Variants in HEMK2 observed in about 807,000 individuals in gnomAD.
The protein encoded by HEMK2 is HemK methyltransferase 2, ETF1 glutamine and histone H4 lysine.
At chr21:28,620,379 T>C in the HEMK2 span, among the ~76,000 whole-genome samples, 20 of 152,264 alleles carry the variant, frequency 1.3e-4, no homozygotes, top group African/African-American at 4.8e-4. Flanking sequence ...AGAATTTGGC[T>C]GTGAATCCGT....
At chr21:28,733,106 C>T in the HEMK2 span, among the ~76,000 whole-genome samples, 2 of 151,968 alleles carry the variant, frequency 1.3e-5, no homozygotes, top group Non-Finnish European at 1.5e-5. Context: ...GGTGAAACCC[C>T]GTCTCTACTA....
chr21:28,831,455 A>AAAAGAAAGAAAGAAAGAAAG, the HEMK2 span, among the ~76,000 whole-genome samples: 1 of 56,968 alleles, frequency 1.8e-5, no homozygotes, highest in Non-Finnish European at 3.0e-5. Flanking sequence ...AAAAAGAAAG[A>AAAAGAAAGAAAGAAAGAAAG]AAAGAACGAA....
the HEMK2 span, among the ~76,000 whole-genome samples, chr21:28,796,675 C>T: frequency 6.6e-6 from 1 of 152,180 alleles, no homozygotes; most frequent in South Asian, 2.1e-4. Context: ...AGTGATCCTC[C>T]CACCACAGCC....
At chr21:28,584,192 G>A in the HEMK2 span, among the ~76,000 whole-genome samples, 27 of 152,062 alleles carry the variant, frequency 1.8e-4, no homozygotes, top group Non-Finnish European at 2.5e-4. Flanking sequence ...TCTTACCCTC[G>A]TAAGAATAAA....
At chr21:28,741,286 T>G in the HEMK2 span, among the ~76,000 whole-genome samples, 2 of 152,224 alleles carry the variant, frequency 1.3e-5, no homozygotes, top group South Asian at 4.1e-4. Context: ...CACAAGATCA[T>G]GCTTGAAACA....
the HEMK2 span, among the ~76,000 whole-genome samples, chr21:28,611,651 T>C: frequency 7.0e-6 from 1 of 142,560 alleles, no homozygotes; most frequent in Non-Finnish European, 1.6e-5. Flanking sequence ...CTCACACCTG[T>C]AATCCCAGCA....
the HEMK2 span, among the ~76,000 whole-genome samples, chr21:28,858,401 C>T: frequency 3.3e-5 from 5 of 152,190 alleles, no homozygotes; most frequent in Non-Finnish European, 7.3e-5. Context: ...TCCATTGTTA[C>T]CACAATCACC....
At chr21:28,713,784 T>A in the HEMK2 span, among the ~76,000 whole-genome samples, 1 of 152,270 alleles carries the variant, frequency 6.6e-6, no homozygotes, top group Non-Finnish European at 1.5e-5. Flanking sequence ...TCTGTGAAGA[T>A]GGCACATAGC....
At chr21:28,680,760 TA>T in the HEMK2 span, among the ~76,000 whole-genome samples, 1 of 152,292 alleles carries the variant, frequency 6.6e-6, no homozygotes, top group East Asian at 1.9e-4. Context: ...TGCAAATCAA[TA>T]AACGTAATCC....
the HEMK2 span, among the ~76,000 whole-genome samples, chr21:28,674,494 G>A: frequency 5.3e-5 from 8 of 152,276 alleles, no homozygotes; most frequent in African/African-American, 1.7e-4. Context: ...AACTCATTCA[G>A]AGGTAGGCAG....
At chr21:28,580,303 C>T in the HEMK2 span, among the ~76,000 whole-genome samples, 2 of 152,108 alleles carry the variant, frequency 1.3e-5, no homozygotes, top group African/African-American at 2.4e-5. Context: ...CCCATCATGA[C>T]GGGGCCCAGA....
chr21:28,706,186 G>A, the HEMK2 span, among the ~76,000 whole-genome samples: 1,298 of 152,208 alleles, frequency 8.5e-3, 18 homozygotes, highest in African/African-American at 0.03. Context: ...CTAAGTTCTC[G>A]TAAGAAATCT....
the HEMK2 span, among the ~76,000 whole-genome samples, chr21:28,603,126 G>A: frequency 1.3e-5 from 2 of 152,104 alleles, no homozygotes; most frequent in African/African-American, 4.8e-5. Flanking sequence ...ACACACCAGA[G>A]TACCCTTGCA....
the HEMK2 span, among the ~76,000 whole-genome samples, chr21:28,759,593 C>T: frequency 3.3e-5 from 5 of 152,034 alleles, no homozygotes; most frequent in South Asian, 2.1e-4. Context: ...TGGGAGGGGC[C>T]GGGGGTGGAA....
chr21:28,807,666 G>A, the HEMK2 span, among the ~76,000 whole-genome samples: 8 of 152,162 alleles, frequency 5.3e-5, no homozygotes, highest in African/African-American at 1.4e-4. Context: ...AATTCCTGGA[G>A]AGAGTCCTTA....
At chr21:28,699,907 A>C in the HEMK2 span, among the ~76,000 whole-genome samples, 1 of 152,224 alleles carries the variant, frequency 6.6e-6, no homozygotes, top group African/African-American at 2.4e-5. Flanking sequence ...TTTACAATTA[A>C]ATCACTAAAA....
the HEMK2 span, among the ~76,000 whole-genome samples, chr21:28,737,402 G>C: frequency 6.6e-6 from 1 of 152,156 alleles, no homozygotes; most frequent in African/African-American, 2.4e-5. Context: ...TGGGATTACA[G>C]TCATGAGCCA....
the HEMK2 span, among the ~76,000 whole-genome samples, chr21:28,744,086 AG>A: frequency 6.7e-6 from 1 of 149,828 alleles, no homozygotes; most frequent in Non-Finnish European, 1.5e-5. Flanking sequence ...GGCCTACTTG[AG>A]GGTGGGGGCT....
At chr21:28,614,973 G>A in the HEMK2 span, among the ~76,000 whole-genome samples, 2 of 152,134 alleles carry the variant, frequency 1.3e-5, no homozygotes, top group African/African-American at 2.4e-5. Context: ...ATCTCTGAAC[G>A]TTTCTCTGGA....
Sources: allele counts gnomAD v4.1 joint callset (sites outside exome capture counted in the v4.1 genomes callset), GRCh38; gene constraint gnomAD v4.1.1; transcripts MANE v1.5; gene names NCBI Gene and HGNC (gene_info 2026-07-23, HGNC 2026-07-21).